SEPSECS: variants seen among roughly 807,000 people sequenced by gnomAD.
The protein encoded by SEPSECS is Sep (O-phosphoserine) tRNA:Sec (selenocysteine) tRNA synthase.
A neutral mutation model predicts 52.1 loss-of-function variants in SEPSECS; 42 were observed. That is an observed-to-expected ratio of 0.81 (90% CI 0.63 to 1.04). SEPSECS has a LOEUF of 1.04. Among genes scored for constraint, SEPSECS ranks in the 50% least tolerant of loss-of-function variants. SEPSECS has a pLI of 0.00. For synonymous variants in SEPSECS, 216 were observed against 211.4 expected, an observed-to-expected ratio of 1.02 and a Z score of -0.19; for missense variants, 590 against 610.6, an observed-to-expected ratio of 0.97 and a Z score of 0.36.
At chr4:25,157,215 C>T (rs891504951) in intron 2 of SEPSECS, among the ~76,000 whole-genome samples, 5 of 152,176 alleles carry the variant, frequency 3.3e-5, no homozygotes, top group South Asian at 2.1e-4. Context: ...TCTCCCTATG[C>T]CCACATGCTA....
At chr4:25,149,169 T>C (rs1482879627) in intron 6 of SEPSECS, among the ~76,000 whole-genome samples, 1 of 152,162 alleles carries the variant, frequency 6.6e-6, no homozygotes, top group African/African-American at 2.4e-5. Context: ...GCCATTCTCC[T>C]GCCTCAGCCT....
chr4:25,144,958 TTTTG>T (rs748797317), intron 7 of SEPSECS, 42 bp downstream of exon 7: 2 of 1,610,642 alleles, frequency 1.2e-6, no homozygotes, highest in South Asian at 2.2e-5. Flanking sequence ...ACAAATGGAT[TTTTG>T]TTTGTTAGCT....
intron 8 of SEPSECS, among the ~76,000 whole-genome samples, chr4:25,134,688 T>A (rs1474180667): frequency 6.6e-6 from 1 of 152,200 alleles, no homozygotes; most frequent in Non-Finnish European, 1.5e-5. Flanking sequence ...ACTCAAGACT[T>A]ACATTAGTTT....
chr4:25,134,841 C>T (rs886912448), intron 8 of SEPSECS, among the ~76,000 whole-genome samples: 2 of 152,020 alleles, frequency 1.3e-5, no homozygotes, highest in African/African-American at 4.8e-5. Flanking sequence ...TCAGCAAATG[C>T]AAAAGAACTG....
intron 1 of SEPSECS, chr4:25,159,697 G>A (rs763939561): frequency 1.7e-6 from 1 of 584,964 alleles, no homozygotes; most frequent in Non-Finnish European, 2.4e-6. Flanking sequence ...GCGTGAACCC[G>A]GGAGGCGGAG....
Position 25,160,314 on chromosome 4 carries a change from C to G in SEPSECS, c.56G>C (p.Arg19Pro), listed in dbSNP as rs1450522568. 3 of 1,549,330 alleles carry G rather than the reference C, an allele frequency of 1.9e-6. No individual in the cohort carries two copies. The South Asian group carries it at 3.6e-5, about 18-fold the overall frequency. ...GERLVSPAYVRQGCEARRSHE... is the reference protein window; with the variant it reads ...GERLVSPAYVPQGCEARRSHE... ...CGAGCGGCGGGCCTCACAGCCCTGC[C>G]GCACGTAAGCCGGCGACACCAGCCG... is the stretch of plus-strand genomic sequence containing the variant. The change falls in exon 1 of 11, where the codon CGG (arginine) becomes CCG (proline). Residue 19 changes from arginine to proline, a missense_variant. Transcript: ENST00000382103.
At chr4:25,138,585 G>A (rs1341826117) in intron 8 of SEPSECS, among the ~76,000 whole-genome samples, 17 of 151,734 alleles carry the variant, frequency 1.1e-4, no homozygotes, top group Non-Finnish European at 1.5e-4. Context: ...GACTACAAAA[G>A]ATCAGAAATA....
intron 8 of SEPSECS, among the ~76,000 whole-genome samples, chr4:25,141,687 C>A (rs1472055966): frequency 6.6e-6 from 1 of 152,198 alleles, no homozygotes; most frequent in Non-Finnish European, 1.5e-5. Flanking sequence ...CAAAGCCTGT[C>A]AGATCATTCT....
chr4:25,148,949 TA>T (rs1417381994), intron 6 of SEPSECS, among the ~76,000 whole-genome samples: 18 of 152,238 alleles, frequency 1.2e-4, no homozygotes, highest in African/African-American at 4.3e-4. Flanking sequence ...CTTATAGTTT[TA>T]TTTTTTGGTT....
intron 1 of SEPSECS, chr4:25,159,435 G>A (rs1712908138): frequency 2.9e-6 from 1 of 350,246 alleles, no homozygotes. Flanking sequence ...TTACGACTGG[G>A]GCGGTGGGAC....
chr4:25,135,907 A>G (rs934739927), intron 8 of SEPSECS, among the ~76,000 whole-genome samples: 1 of 152,210 alleles, frequency 6.6e-6, no homozygotes, highest in African/African-American at 2.4e-5. Flanking sequence ...ACACACGCAA[A>G]TCAATAAATG....
At chr4:25,134,057 C>A (rs1457724736) in intron 8 of SEPSECS, among the ~76,000 whole-genome samples, 1 of 125,780 alleles carries the variant, frequency 8.0e-6, no homozygotes, top group Non-Finnish European at 1.6e-5. Flanking sequence ...CCAGAGAGGT[C>A]AAGGCTGCAG....
intron 1 of SEPSECS, 28 bp from the exon 2 acceptor site, chr4:25,159,135 A>C: frequency 6.7e-7 from 1 of 1,503,452 alleles, no homozygotes; most frequent in African/African-American, 1.4e-5. Context: ...ACTTATGATT[A>C]TATTTAATAA....
Position 25,121,955 on chromosome 4 carries a change from C to A in SEPSECS, c.*1976G>T, listed in dbSNP as rs1728144593. Reference sequence around the variant, plus strand: ...AATATAGATCACTTGTTCTATAAAACAATTTTGGCTTACATGTATAGCAAG... The same window carrying A: ...AATATAGATCACTTGTTCTATAAAAAAATTTTGGCTTACATGTATAGCAAG... On this transcript the variant is annotated 3_prime_UTR_variant, in exon 11 of 11. Coordinates refer to ENST00000382103, the MANE Select transcript of SEPSECS (RefSeq NM_016955.4). The A allele has an allele frequency of 6.6e-6, 1 of 152,128 alleles. No homozygotes were observed. Among genetic ancestry groups the A allele is most frequent in the Admixed American group, 6.6e-5 (1 of 15,254 alleles). The allele number at this position is 152,128 out of a possible 1,614,324, so 9.4% of individuals were successfully genotyped here.
At chr4:25,140,499 G>A (rs1482533559) in intron 8 of SEPSECS, among the ~76,000 whole-genome samples, 2 of 151,990 alleles carry the variant, frequency 1.3e-5, no homozygotes, top group East Asian at 1.9e-4. Flanking sequence ...CCTAGATTTC[G>A]GTCCATATTC....
Position 25,124,033 on chromosome 4 carries a change from C to T in SEPSECS, c.1404G>A (p.Glu468=), listed in dbSNP as rs1329162202. 3 of 1,613,742 alleles carry T rather than the reference C, an allele frequency of 1.9e-6. No homozygotes were observed. The highest frequency in any genetic ancestry group is 2.5e-6 in the Non-Finnish European group (3 of 1,179,718). ...CAGTTTTGTCATAATTGTCATCACT[C>T]TCTTTACTTCGTTCTTTTCTTACTG... The part of the protein sequence containing the change: ...LKAVRKERSK[E]SDDNYDKTED... The change falls in exon 11 of 11, where the codon GAG becomes GAA. Residue 468 remains glutamate (E), a synonymous_variant. Coordinates refer to ENST00000382103, the MANE Select transcript of SEPSECS (RefSeq NM_016955.4).
chr4:25,160,023 A>G (rs1712965168), intron 1 of SEPSECS: 1 of 985,254 alleles, frequency 1.0e-6, no homozygotes, highest in South Asian at 4.7e-5. Flanking sequence ...GCGGGACTCA[A>G]AACCCCGACC....
Position 25,157,128 on chromosome 4 carries a change from T to C in SEPSECS, c.270-154A>G, listed in dbSNP as rs73252528. 0.094 allele frequency among the ~76,000 whole-genome samples: 14,271 copies of C among 152,264 alleles called. 849 individuals carry two copies. The highest frequency in any genetic ancestry group is 0.2 in the South Asian group (970 of 4,822). On this transcript the variant is annotated intron_variant, in intron 2 of 10. Coordinates refer to ENST00000382103, the MANE Select transcript of SEPSECS (RefSeq NM_016955.4). ...ACAAACTATTAATGATGTGGAACTC[T>C]CCTACTTAAATTGAAATAATTTCAT... is the stretch of plus-strand genomic sequence containing the variant.
At chr4:25,125,945 T>C (rs1728347020) in intron 9 of SEPSECS, among the ~76,000 whole-genome samples, 161 bp from the exon 10 acceptor site, 1 of 152,168 alleles carries the variant, frequency 6.6e-6, no homozygotes, top group Admixed American at 6.5e-5. Flanking sequence ...TGTTTATATA[T>C]CAGACAAAAA....
Sources: allele counts gnomAD v4.1 joint callset (sites outside exome capture counted in the v4.1 genomes callset), GRCh38; gene constraint gnomAD v4.1.1; transcripts MANE v1.5; gene names NCBI Gene and HGNC (gene_info 2026-07-23, HGNC 2026-07-21).